LYST: variants seen among roughly 807,000 people sequenced by gnomAD.
LYST encodes lysosomal-trafficking regulator.
Under a neutral mutation model 413.6 loss-of-function variants are expected in LYST, and 192 were observed. The ratio of observed to expected loss-of-function variants is 0.46; its 90% CI spans 0.41 to 0.52. The LOEUF (loss-of-function observed/expected upper bound fraction) is 0.52. Among genes scored for constraint, LYST ranks in the 20% least tolerant of loss-of-function variants. The probability of loss-of-function intolerance (pLI) is 0.00; values close to 1 mark genes in which losing one functional copy is unlikely to be tolerated. For synonymous variants in LYST, 1,525 were observed against 1,567.3 expected (o/e 0.97, Z 0.64); for missense variants, 3,815 against 4,499.9 (o/e 0.85, Z 4.35).
At chr1:235,738,138 G>A (rs1377789194) in intron 31 of LYST, 55 of 1,608,598 alleles carry the variant, frequency 3.4e-5, no homozygotes, top group Middle Eastern at 4.5e-4. Context: ...CTTGGCAGGC[G>A]AACTTGCTCT....
At chr1:235,716,253 GA>G (rs951360265) in intron 41 of LYST, among the ~76,000 whole-genome samples, 102 of 152,288 alleles carry the variant, frequency 6.7e-4, no homozygotes, top group African/African-American at 2.4e-3. Flanking sequence ...TAATTTCACA[GA>G]AAAAGGTAAT....
intron 20 of LYST, among the ~76,000 whole-genome samples, chr1:235,767,987 A>G (rs1668308480): frequency 6.6e-6 from 1 of 151,930 alleles, no homozygotes; most frequent in Non-Finnish European, 1.5e-5. Context: ...CTCTTTCTGT[A>G]TCTCTTTCAA....
chr1:235,754,926 T>C (rs1666863141), intron 25 of LYST, among the ~76,000 whole-genome samples: 2 of 149,280 alleles, frequency 1.3e-5, no homozygotes. Context: ...TAAAAAAAAT[T>C]AGCCAAGTGT....
Position 235,759,565 on chromosome 1 carries a change from C to T in LYST, c.6288G>A (p.Met2096Ile), listed in dbSNP as rs1667379888. Residue 2096 changes from methionine to isoleucine, a missense_variant, in exon 23 of 53, where the codon ATG (methionine) becomes ATA (isoleucine). Met to Ile is a conservative substitution (Grantham distance 10). Around this residue, in one of 4 missense-constraint regions of LYST, gnomAD observed 530 missense variants for 696.5 expected, o/e 0.76. Transcript: ENST00000389793. ...ENSSNIIPQQ[M>I]AAHMLRSRSL... is the part of the protein sequence containing the mutation. ...TTCTAGAACGCAGCATATGGGCGGC[C>T]ATCTGTTGTGGAATAATATTAGAGG... 5 of 1,613,528 alleles carry T rather than the reference C, an allele frequency of 3.1e-6. No individual in the cohort carries two copies. The highest frequency in any genetic ancestry group is 3.4e-6 in the Non-Finnish European group (4 of 1,179,636).
chr1:235,745,722 T>C (rs144185276), intron 29 of LYST, among the ~76,000 whole-genome samples: 2 of 152,304 alleles, frequency 1.3e-5, no homozygotes, highest in Non-Finnish European at 2.9e-5. Context: ...AAGGAACTAT[T>C]GATATATGCA....
chr1:235,756,648 A>C (rs1157115790), intron 24 of LYST, among the ~76,000 whole-genome samples: 1 of 152,190 alleles, frequency 6.6e-6, no homozygotes, highest in African/African-American at 2.4e-5. Context: ...ATTCATATCA[A>C]GCATTTACTC....
chr1:235,736,941 A>T (rs1200174789), intron 31 of LYST: 6 of 152,134 alleles, frequency 3.9e-5, no homozygotes, highest in African/African-American at 1.4e-4. Flanking sequence ...CTGTTTCACA[A>T]CGTTGCTTTT....
In LYST at chr1:235,674,991, C is replaced by G. The variant is rs1442993512; in HGVS notation, c.11038+2100G>C. 6.6e-6 allele frequency among the ~76,000 whole-genome samples: 1 copy of G among 152,156 alleles called. No individual in the cohort carries two copies. The highest frequency in any genetic ancestry group is 1.5e-5 in the Non-Finnish European group (1 of 68,028). On this transcript the variant is annotated intron_variant, in intron 50 of 52. Transcript: ENST00000389793. The surrounding 1 kb of genome is among the most constrained non-coding windows in gnomAD (Gnocchi z 4.1). ...CAAAGGCTTATAGAAAAAGCTCTTA[C>G]CAAAACCTCTCTCGATTCTCCCCCG...
At chr1:235,857,668 GGT>G (rs1679339323) in intron 1 of LYST, among the ~76,000 whole-genome samples, 1 of 147,638 alleles carries the variant, frequency 6.8e-6, no homozygotes, top group African/African-American at 2.5e-5. Flanking sequence ...TGTGTCTGTG[GGT>G]GTGTGTGCGC....
At position 235,833,648 on chromosome 1, in the gene LYST, T is replaced by C. The variant is rs181206683; in HGVS notation, c.-78A>G. Reference sequence around the variant, plus strand: ...ACTCATAAACTAGATGAAACAAATATTCTTAGAACAAAGCTTCACCTACAA... The same window carrying C: ...ACTCATAAACTAGATGAAACAAATACTCTTAGAACAAAGCTTCACCTACAA... On this transcript the variant is annotated 5_prime_UTR_variant, in exon 2 of 53. Coordinates refer to ENST00000389793, the MANE Select transcript of LYST (RefSeq NM_000081.4). The C allele has an allele frequency of 5.4e-6, 5 of 922,506 alleles. No individual in the cohort carries two copies. Among genetic ancestry groups the C allele is most frequent in the East Asian group, 1.2e-4 (1 of 8,510 alleles). The allele number at this position is 922,506 out of a possible 1,614,324, so 57.1% of individuals were successfully genotyped here.
At chr1:235,733,360 G>A (rs1664543973) in intron 34 of LYST, 143 bp downstream of exon 34, 1 of 730,644 alleles carries the variant, frequency 1.4e-6, no homozygotes, top group Non-Finnish European at 2.3e-6. Flanking sequence ...TCTTTAAGAT[G>A]AAAAAAACAT....
chr1:235,845,210 A>AC (rs1286210011), intron 1 of LYST, among the ~76,000 whole-genome samples: 2 of 152,062 alleles, frequency 1.3e-5, no homozygotes, highest in Non-Finnish European at 2.9e-5. Context: ...CTGAACACAC[A>AC]CCCCCACTGG....
chr1:235,793,673 A>G, intron 10 of LYST, 61 bp from the exon 11 acceptor site: 6 of 860,266 alleles, frequency 7.0e-6, no homozygotes, highest in Middle Eastern at 2.2e-4. Context: ...ATAAATGAGC[A>G]ATTTCACCAA....
intron 16 of LYST, 73 bp from the exon 17 acceptor site, chr1:235,777,381 T>C: frequency 5.2e-6 from 7 of 1,334,560 alleles, no homozygotes; most frequent in Non-Finnish European, 7.4e-6. Flanking sequence ...CAAGTAAGTA[T>C]TTCAAAGTGA....
chr1:235,733,961 A>G lies in LYST; in HGVS notation c.8536-55T>C. 2.3e-6 allele frequency: 2 copies of G among 872,452 alleles called. 1 individual carries two copies. Among genetic ancestry groups the G allele is most frequent in the South Asian group, 3.7e-5 (2 of 54,452 alleles). The allele number at this position is 872,452 out of a possible 1,614,324, so 54.0% of individuals were successfully genotyped here. On this transcript the variant is annotated intron_variant, in intron 32 of 52. Coordinates refer to ENST00000389793, the MANE Select transcript of LYST (RefSeq NM_000081.4). ...TAAAATTTATTATTTCTCACCTAAC[A>G]TTGTCACAGAGCCCAACAAACTAAT... is the stretch of plus-strand genomic sequence containing the variant.
Position 235,677,610 on chromosome 1 carries a change from T to C in LYST, c.10810A>G (p.Ile3604Val). The C allele has an allele frequency of 3.1e-6, 5 of 1,612,618 alleles. No homozygotes were observed. Among genetic ancestry groups the C allele is most frequent in the Non-Finnish European group, 4.2e-6 (5 of 1,178,838 alleles). Residue 3604 changes from isoleucine (I) to valine (V), a missense_variant, in exon 49 of 53, where the codon ATA becomes GTA. Around this residue, in one of 4 missense-constraint regions of LYST, gnomAD observed 866 missense variants for 1,156.0 expected, o/e 0.75. Transcript: ENST00000389793. ...NRFTSSTPSE[I>V]EMETQIHLYG... ...AGATGTATTTGAGTCTCCATTTCTA[T>C]TTCTGATGGCTGAAATTTTAAAATT...
At chr1:235,722,759 C>T (rs1663497478) in intron 39 of LYST, among the ~76,000 whole-genome samples, 1 of 152,202 alleles carries the variant, frequency 6.6e-6, no homozygotes, top group Non-Finnish European at 1.5e-5. Context: ...GCTGGGATTA[C>T]AGGCATGAGC....
Position 235,792,158 on chromosome 1 carries a change from A to C in LYST, c.4117-33T>G, listed in dbSNP as rs777236169. On this transcript the variant is annotated intron_variant, in intron 11 of 52. Transcript: ENST00000389793. ...AAAAGAAAAACAAATGAAACTTTCT[A>C]ATCACGTAATAAAGTACATAATAAT... 3.7e-6 allele frequency: 5 copies of C among 1,367,522 alleles called. No homozygotes were observed. In the Admixed American group the frequency reaches 8.6e-5, roughly 24 times the overall value. The allele number at this position is 1,367,522 out of a possible 1,614,324, so 84.7% of individuals were successfully genotyped here.
At chr1:235,866,360 G>A (rs1429940364) in intron 1 of LYST, among the ~76,000 whole-genome samples, 1 of 152,216 alleles carries the variant, frequency 6.6e-6, no homozygotes, top group Non-Finnish European at 1.5e-5. Flanking sequence ...GGGCAACAGC[G>A]CGGGGAGTGA....
Sources: allele counts gnomAD v4.1 joint callset (sites outside exome capture counted in the v4.1 genomes callset), GRCh38; gene constraint gnomAD v4.1.1; regional missense constraint gnomAD v4.1.1; non-coding constraint Gnocchi (gnomAD v3.1); transcripts MANE v1.5; gene names NCBI Gene and HGNC (gene_info 2026-07-23, HGNC 2026-07-21).